DNAH6: variants seen among roughly 807,000 people sequenced by gnomAD.
DNAH6 encodes dynein axonemal heavy chain 6, also known as axonemal beta dynein heavy chain 6.
In DNAH6, 340 loss-of-function variants were observed where a neutral mutation model predicts 491.4. That is an observed-to-expected ratio of 0.69 (90% CI 0.63 to 0.76). DNAH6 has a LOEUF of 0.76. Among genes scored for constraint, DNAH6 ranks in the 30% least tolerant of loss-of-function variants. DNAH6 has a pLI of 0.00. For missense variants in DNAH6, 4,443 were observed against 4,972.2 expected (o/e 0.89, Z 3.20); for synonymous variants, 1,603 against 1,686.1 (o/e 0.95, Z 1.21).
chr2:84,706,909 TTACCATGGC>T lies in DNAH6; in HGVS notation c.8746_8754del (p.Met2916_Thr2918del). ...TGATTTTATTAGGCTGAACTTGACA[TTACCATGGC>T]TACCCTGAGAGAAAAGCAAGCATTA... On this transcript the variant is annotated inframe_deletion, in exon 53 of 77. Coordinates refer to ENST00000389394, the MANE Select transcript of DNAH6 (RefSeq NM_001370.2). The T allele has an allele frequency of 6.5e-7, 1 of 1,541,466 alleles. No individual in the cohort carries two copies. Among genetic ancestry groups the T allele is most frequent in the Non-Finnish European group, 8.7e-7 (1 of 1,144,998 alleles).
At chr2:84,597,676 T>C (rs1055200111) in intron 18 of DNAH6, among the ~76,000 whole-genome samples, 5 of 152,220 alleles carry the variant, frequency 3.3e-5, no homozygotes, top group Non-Finnish European at 7.3e-5. Context: ...CACAGCAGCA[T>C]TGTTCATAAT....
chr2:84,636,847 T>C (rs1283656146), intron 30 of DNAH6, among the ~76,000 whole-genome samples: 1 of 151,706 alleles, frequency 6.6e-6, no homozygotes, highest in African/African-American at 2.4e-5. Context: ...TGAGCTCTGA[T>C]CATGCCACTT....
chr2:84,676,531 A>G (rs1026249006), intron 40 of DNAH6, among the ~76,000 whole-genome samples: 2 of 152,218 alleles, frequency 1.3e-5, no homozygotes, highest in East Asian at 3.8e-4. Flanking sequence ...AAACAGAAAC[A>G]CACATAAAAC....
the DNAH6 span, among the ~76,000 whole-genome samples, chr2:84,471,661 C>T: frequency 1.3e-4 from 20 of 152,268 alleles, no homozygotes; most frequent in South Asian, 3.5e-3. Context: ...TGGGTCCCTC[C>T]AGTCTCCCGT....
chr2:84,646,545 AT>A (rs1689917160), intron 33 of DNAH6, among the ~76,000 whole-genome samples: 1 of 152,262 alleles, frequency 6.6e-6, no homozygotes, highest in Admixed American at 6.5e-5. Context: ...ATTGAAAGAA[AT>A]TAAAAGTGCT....
At chr2:84,751,106 T>C (rs921943561) in intron 63 of DNAH6, 16 of 152,204 alleles carry the variant, frequency 1.1e-4, no homozygotes, top group African/African-American at 3.6e-4. Flanking sequence ...CATCAAAGCA[T>C]TTAGGAACAA....
chr2:84,740,809 C>T (rs557516959), intron 62 of DNAH6, among the ~76,000 whole-genome samples: 25 of 152,336 alleles, frequency 1.6e-4, no homozygotes, highest in African/African-American at 6.0e-4. Flanking sequence ...TTCAGCAACT[C>T]TCCTCCCACT....
the DNAH6 span, among the ~76,000 whole-genome samples, chr2:84,509,487 C>T: frequency 2.0e-4 from 31 of 152,278 alleles, no homozygotes; most frequent in African/African-American, 6.7e-4. Flanking sequence ...TGAGATGGGT[C>T]TCCTGAATAC....
chr2:84,527,196 A>T lies in DNAH6; in HGVS notation c.399+1458A>T, dbSNP rs1342672673. 2.6e-5 allele frequency among the ~76,000 whole-genome samples: 4 copies of T among 152,158 alleles called. No homozygotes were observed. In the South Asian group the frequency reaches 8.3e-4, roughly 32 times the overall value. On this transcript the variant is annotated intron_variant, in intron 3 of 76. Coordinates refer to ENST00000389394, the MANE Select transcript of DNAH6 (RefSeq NM_001370.2). Reference sequence around the variant, plus strand: ...GGAAAGTTGGAGGCCTCTGTTAATTAAGGAAGAAATTGACTTATCGAATCA... The same window carrying T: ...GGAAAGTTGGAGGCCTCTGTTAATTTAGGAAGAAATTGACTTATCGAATCA...
Position 84,705,691 on chromosome 2 carries a change from T to A in DNAH6, c.8671T>A (p.Tyr2891Asn), listed in dbSNP as rs534049254. The change falls in exon 52 of 77, where the codon TAC (tyrosine) becomes AAC (asparagine). Residue 2891 changes from tyrosine (Y) to asparagine (N), a missense_variant. Physicochemically the swap from Tyr to Asn is moderately radical, Grantham distance 143. Around this residue, in one of 3 missense-constraint regions of DNAH6, gnomAD observed 1,463 missense variants for 1,656.6 expected, o/e 0.88. Coordinates refer to ENST00000389394, the MANE Select transcript of DNAH6 (RefSeq NM_001370.2). ...MCMWVRAMDL[Y>N]SRVVKVVEPK... ...CATGTGGGTAAGAGCTATGGATTTGTACTCTCGAGTGGTCAAGGTCGTCGA... is the reference window on the plus strand; with the variant it reads ...CATGTGGGTAAGAGCTATGGATTTGAACTCTCGAGTGGTCAAGGTCGTCGA... 1.3e-5 allele frequency: 20 copies of A among 1,551,862 alleles called. No individual in the cohort carries two copies. In the African/African-American group the frequency reaches 2.6e-4, roughly 20 times the overall value.
the DNAH6 span, among the ~76,000 whole-genome samples, chr2:84,464,542 A>G: frequency 6.6e-6 from 1 of 152,172 alleles, no homozygotes; most frequent in Middle Eastern, 3.4e-3. Flanking sequence ...AAGAATGGCT[A>G]CTCCATAAAC....
At chr2:84,481,156 C>T in the DNAH6 span, among the ~76,000 whole-genome samples, 1 of 152,114 alleles carries the variant, frequency 6.6e-6, no homozygotes, top group Non-Finnish European at 1.5e-5. Context: ...CAGCAGTGGG[C>T]AGCAGACATG....
intron 11 of DNAH6, among the ~76,000 whole-genome samples, chr2:84,573,057 G>C (rs1397877233): frequency 6.6e-6 from 1 of 152,184 alleles, no homozygotes; most frequent in Non-Finnish European, 1.5e-5. Context: ...GATTAAGCAA[G>C]TGATTTTCTG....
intron 4 of DNAH6, 88 bp downstream of exon 4, chr2:84,529,254 ACAATAT>A (rs2104449261): frequency 9.9e-7 from 1 of 1,005,270 alleles, no homozygotes; most frequent in East Asian, 2.7e-5. Context: ...ATTAATAATA[ACAATAT>A]CAAATATAAT....
chr2:84,737,948 TC>T (rs1699654245), intron 62 of DNAH6, among the ~76,000 whole-genome samples: 1 of 152,134 alleles, frequency 6.6e-6, no homozygotes, highest in Admixed American at 6.5e-5. Flanking sequence ...CTTTCTAACT[TC>T]TCGATGTCAT....
At chr2:84,545,882 C>A (rs1678732946) in intron 5 of DNAH6, among the ~76,000 whole-genome samples, 1 of 152,048 alleles carries the variant, frequency 6.6e-6, no homozygotes, top group African/African-American at 2.4e-5. Flanking sequence ...GGCACCCGTG[C>A]CTATGTCATT....
chr2:84,492,320 C>T, the DNAH6 span, among the ~76,000 whole-genome samples: 7 of 151,956 alleles, frequency 4.6e-5, no homozygotes, highest in Non-Finnish European at 1.0e-4. Flanking sequence ...AATAAATTTC[C>T]AGTCTTGTCC....
intron 29 of DNAH6, among the ~76,000 whole-genome samples, chr2:84,632,992 A>G (rs1398049635): frequency 3.3e-5 from 5 of 152,164 alleles, no homozygotes; most frequent in Admixed American, 1.3e-4. Flanking sequence ...ATTAGTGTAA[A>G]CAGCTTGTTT....
chr2:84,601,746 TGCTA>T (rs752653332), intron 18 of DNAH6, among the ~76,000 whole-genome samples: 16 of 152,164 alleles, frequency 1.1e-4, no homozygotes, highest in Middle Eastern at 3.4e-3. Flanking sequence ...TCTACCATCT[TGCTA>T]GCTGTTTTAT....
Sources: allele counts gnomAD v4.1 joint callset (sites outside exome capture counted in the v4.1 genomes callset), GRCh38; gene constraint gnomAD v4.1.1; regional missense constraint gnomAD v4.1.1; transcripts MANE v1.5; gene names NCBI Gene and HGNC (gene_info 2026-07-23, HGNC 2026-07-21).